The following VPS13D variants were observed in gnomAD, a reference collection of about 807,000 sequenced individuals.
VPS13D encodes intermembrane lipid transfer protein VPS13D.
In VPS13D, 187 loss-of-function variants were observed where a neutral mutation model predicts 461.9. The observed-to-expected ratio is 0.40, with a 90% CI of 0.36 to 0.46. The LOEUF (loss-of-function observed/expected upper bound fraction) is 0.46, where lower values mean the gene tolerates loss of function less well. Among genes scored for constraint, VPS13D ranks in the 20% least tolerant of loss-of-function variants. The pLI is 0.60. For synonymous variants in VPS13D, 1,951 were observed against 1,986.3 expected, an observed-to-expected ratio of 0.98 and a Z score of 0.47; for missense variants, 4,711 against 5,364.9, an observed-to-expected ratio of 0.88 and a Z score of 3.81.
chr1:12,413,278 G>A (rs148117010), intron 63 of VPS13D, among the ~76,000 whole-genome samples: 2 of 151,614 alleles, frequency 1.3e-5, no homozygotes, highest in Non-Finnish European at 2.9e-5. Flanking sequence ...ATCACTTGAG[G>A]CCAGGAGTTG....
chr1:12,353,532 CAA>C (rs79787458), intron 46 of VPS13D, among the ~76,000 whole-genome samples: 1 of 36,368 alleles, frequency 2.7e-5, no homozygotes, highest in Non-Finnish European at 5.7e-5. Flanking sequence ...GACTGCATCT[CAA>C]AAAAAAAAAA....
chr1:12,314,051 T>G, intron 29 of VPS13D, 64 bp from the exon 30 acceptor site: 1 of 1,462,960 alleles, frequency 6.8e-7, no homozygotes, highest in African/African-American at 1.4e-5. Context: ...CTCGAACTTA[T>G]ATACTTTTGT....
At position 12,256,527 on chromosome 1, in the gene VPS13D, A is replaced by G. The variant is rs235246; in HGVS notation, c.840+24A>G. The G allele has an allele frequency of 0.04, 64,323 of 1,610,490 alleles. 2,640 individuals are homozygous for G. Among genetic ancestry groups the G allele is most frequent in the Admixed American group, 0.18 (10,609 of 59,542 alleles). On this transcript the variant is annotated intron_variant, in intron 8 of 69. Coordinates refer to ENST00000620676, the MANE Select transcript of VPS13D (RefSeq NM_015378.4). ...AGGTATGCCCTTTCTTCTCAGTGGC[A>G]TCTACTTACTGTCAAACTGGTGACT... is the stretch of plus-strand genomic sequence containing the variant.
chr1:12,268,837 G>A lies in VPS13D; in HGVS notation c.1933G>A (p.Val645Ile). Residue 645 changes from valine to isoleucine, a missense_variant, in exon 16 of 70, where the codon GTA becomes ATA. Physicochemically the swap from Val to Ile is conservative, Grantham distance 29 (BLOSUM62 3). This residue lies in a region of VPS13D where 4,411 missense variants were observed against 4,937.8 expected (regional missense o/e 0.89). Coordinates refer to ENST00000620676, the MANE Select transcript of VPS13D (RefSeq NM_015378.4). ...ATACAATCCGCAGGCCATTAAAAAA[G>A]TAGCAGACTTTTTCTACAAGGGAAA... is the stretch of plus-strand genomic sequence containing the variant. Reference protein sequence around the residue: ...IIYNPQAIKKVADFFYKGKVH... With the variant: ...IIYNPQAIKKIADFFYKGKVH... 1 of 1,613,310 alleles carries A rather than the reference G, an allele frequency of 6.2e-7. No individual in the cohort carries two copies. Among genetic ancestry groups the A allele is most frequent in the East Asian group, 2.2e-5 (1 of 44,836 alleles).
At chr1:12,441,521 A>G (rs1420089578) in intron 65 of VPS13D, among the ~76,000 whole-genome samples, 1 of 152,216 alleles carries the variant, frequency 6.6e-6, no homozygotes. Context: ...GTGCAGAGGC[A>G]GCACAGTGGG....
rs1277225106 is a variant in VPS13D, at chr1:12,249,267, C to T, written c.492C>T (p.Thr164=). 4 of 1,613,748 alleles carry T rather than the reference C, an allele frequency of 2.5e-6. No homozygotes were observed. The highest frequency in any genetic ancestry group is 3.4e-6 in the Non-Finnish European group (4 of 1,179,918). The part of the protein sequence containing the change: ...DVHLRFEDGV[T]NPSHPFAFGI... Reference sequence around the variant, plus strand: ...ATTTACGCTTTGAAGATGGTGTCACCAATCCCTCCCATCCTTTTGCTTTTG... The same window carrying T: ...ATTTACGCTTTGAAGATGGTGTCACTAATCCCTCCCATCCTTTTGCTTTTG... The change falls in exon 6 of 70, where the codon ACC becomes ACT. Residue 164 remains threonine, a synonymous_variant. Coordinates refer to ENST00000620676, the MANE Select transcript of VPS13D (RefSeq NM_015378.4).
chr1:12,330,144 G>C (rs924785147), intron 37 of VPS13D, among the ~76,000 whole-genome samples: 10 of 152,192 alleles, frequency 6.6e-5, no homozygotes, highest in African/African-American at 1.9e-4. Context: ...GCTGGACGTG[G>C]TGGCTCACGC....
In VPS13D at chr1:12,234,302, C is replaced by G. The variant is rs1394314508; in HGVS notation, c.36C>G (p.Thr12=). The change falls in exon 2 of 70, where the codon ACC becomes ACG. Residue 12 remains threonine, a synonymous_variant. Transcript: ENST00000620676. ...LEGLVAWVLN[T]YLGKYVNNLN... is the part of the protein sequence containing the mutation. ...GCCTTGTAGCCTGGGTTCTCAATAC[C>G]TATTTGGGAAAATATGTCAATAACC... is the stretch of plus-strand genomic sequence containing the variant. 1 of 1,614,046 alleles carries G rather than the reference C, an allele frequency of 6.2e-7. No homozygotes were observed. Among genetic ancestry groups the G allele is most frequent in the African/African-American group, 1.3e-5 (1 of 75,036 alleles).
At chr1:12,506,348 T>C (rs546622534) in intron 68 of VPS13D, among the ~76,000 whole-genome samples, 1 of 152,350 alleles carries the variant, frequency 6.6e-6, no homozygotes, top group Non-Finnish European at 1.5e-5. Context: ...TTGAGTTTTC[T>C]GAACATGAAG....
Position 12,327,865 on chromosome 1 carries a change from T to C in VPS13D, c.8197+11T>C. ...AACTCACCTTTTCCCGTGAGTGTTGTACTGGTTTTCAGATTCATCTTGAAT... is the reference window on the plus strand; with the variant it reads ...AACTCACCTTTTCCCGTGAGTGTTGCACTGGTTTTCAGATTCATCTTGAAT... On this transcript the variant is annotated intron_variant, in intron 36 of 69. Coordinates refer to ENST00000620676, the MANE Select transcript of VPS13D (RefSeq NM_015378.4). 1 of 1,613,284 alleles carries C rather than the reference T, an allele frequency of 6.2e-7. No individual in the cohort carries two copies. The highest frequency in any genetic ancestry group is 1.1e-5 in the South Asian group (1 of 90,878).
intron 64 of VPS13D, among the ~76,000 whole-genome samples, chr1:12,416,008 C>T (rs1381069202): frequency 6.6e-6 from 1 of 152,066 alleles, no homozygotes; most frequent in Non-Finnish European, 1.5e-5. Flanking sequence ...TATTGAGACC[C>T]CATCTCTACA....
At position 12,352,965 on chromosome 1, in the gene VPS13D, C is replaced by CAAAAAAAAAA; in HGVS notation, c.9432-987_9432-978dup. Among the ~76,000 whole-genome samples, 23 of 17,588 alleles carry CAAAAAAAAAA rather than the reference C, an allele frequency of 1.3e-3. 3 individuals carry two copies. Among genetic ancestry groups the CAAAAAAAAAA allele is most frequent in the African/African-American group, 2.5e-3 (13 of 5,106 alleles). 11.5% of individuals were successfully genotyped at this position (17,588 alleles called of 152,430 possible). ...GGGCAATAAGAGTGAAACTCAGTCT[C>CAAAAAAAAAA]AAAAAAAAAAAAAAAAAAAAAAAAA... On this transcript the variant is annotated intron_variant, in intron 46 of 69. Coordinates refer to ENST00000620676, the MANE Select transcript of VPS13D (RefSeq NM_015378.4).
At chr1:12,365,497 A>G (rs1220276146) in intron 52 of VPS13D, among the ~76,000 whole-genome samples, 1 of 152,132 alleles carries the variant, frequency 6.6e-6, no homozygotes, top group African/African-American at 2.4e-5. Context: ...CGAGGTCAGG[A>G]GTTCCAGACC....
At chr1:12,350,284 C>T (rs906434046) in intron 46 of VPS13D, among the ~76,000 whole-genome samples, 2 of 152,042 alleles carry the variant, frequency 1.3e-5, no homozygotes, top group Non-Finnish European at 2.9e-5. Flanking sequence ...GGCCATAAAA[C>T]AAAGATCAAT....
chr1:12,408,526 G>A (rs1644684417), intron 63 of VPS13D, among the ~76,000 whole-genome samples: 1 of 152,118 alleles, frequency 6.6e-6, no homozygotes, highest in Non-Finnish European at 1.5e-5. Flanking sequence ...ACCATGCCTG[G>A]CTAATTTTTG....
chr1:12,322,635 C>T lies in VPS13D; in HGVS notation c.7804C>T (p.Pro2602Ser). ...CCCAGAGCAAGCTAATGCTGCAGTG[C>T]CAGACTCAGTGGCCCTGGAGTCAGA... ...SIPEQANAAV[P>S]DSVALESDSV... The change falls in exon 34 of 70, where the codon CCA becomes TCA. Residue 2602 changes from proline to serine, a missense_variant. Physicochemically the swap from Pro to Ser is moderately conservative, Grantham distance 74 (BLOSUM62 -1). This residue lies in a region of VPS13D where 4,411 missense variants were observed against 4,937.8 expected (regional missense o/e 0.89). Coordinates refer to ENST00000620676, the MANE Select transcript of VPS13D (RefSeq NM_015378.4). 6.2e-7 allele frequency: 1 copy of T among 1,614,238 alleles called. No individual in the cohort carries two copies. Among genetic ancestry groups the T allele is most frequent in the South Asian group, 1.1e-5 (1 of 91,086 alleles).
intron 1 of VPS13D, among the ~76,000 whole-genome samples, chr1:12,230,900 G>C (rs1279739719): frequency 6.6e-6 from 1 of 152,100 alleles, no homozygotes; most frequent in Non-Finnish European, 1.5e-5. Context: ...TGAGGGTTCC[G>C]AGAGCTGGGG....
chr1:12,249,391 C>G, intron 6 of VPS13D, 52 bp downstream of exon 6: 1 of 1,462,878 alleles, frequency 6.8e-7, no homozygotes, highest in Non-Finnish European at 9.4e-7. Context: ...CTCTAGGAAT[C>G]TGGGGCTCTG....
chr1:12,332,424 C>T (rs1334139634), intron 37 of VPS13D, among the ~76,000 whole-genome samples: 3 of 152,172 alleles, frequency 2.0e-5, no homozygotes, highest in South Asian at 2.1e-4. Flanking sequence ...GTATGCTCAA[C>T]AGTATGCTCA....
Sources: allele counts gnomAD v4.1 joint callset (sites outside exome capture counted in the v4.1 genomes callset), GRCh38; gene constraint gnomAD v4.1.1; regional missense constraint gnomAD v4.1.1; transcripts MANE v1.5; gene names NCBI Gene and HGNC (gene_info 2026-07-23, HGNC 2026-07-21).